The following TBCEL variants were observed in gnomAD, a reference collection of about 807,000 sequenced individuals.
The protein encoded by TBCEL is tubulin-specific chaperone cofactor E-like protein.
Under a neutral mutation model 44.2 loss-of-function variants are expected in TBCEL, and 15 were observed. The ratio of observed to expected loss-of-function variants is 0.34; its 90% CI spans 0.23 to 0.52. TBCEL has a LOEUF of 0.52. TBCEL is among the 20% of genes least tolerant of loss of function. TBCEL has a pLI of 0.95. For synonymous variants in TBCEL, 171 were observed against 185.4 expected (o/e 0.92, Z 0.63); for missense variants, 319 against 506.3 (o/e 0.63, Z 3.55).
intron 8 of TBCEL, among the ~76,000 whole-genome samples, chr11:121,074,412 T>C (rs546226973): frequency 6.6e-6 from 1 of 152,190 alleles, no homozygotes; most frequent in South Asian, 2.1e-4. Flanking sequence ...GTTTTCTTTT[T>C]CATTTAACCA....
chr11:121,025,997 AATTTT>A (rs1223176350), intron 1 of TBCEL, among the ~76,000 whole-genome samples: 3 of 152,178 alleles, frequency 2.0e-5, no homozygotes, highest in Non-Finnish European at 4.4e-5. Flanking sequence ...TAGTTAAAGA[AATTTT>A]ATTTTACTGT....
rs1946258512 is a variant in TBCEL at position 121,089,211 on chromosome 11, G to A, written c.*2115G>A. 1 of 152,114 alleles carries A rather than the reference G, an allele frequency of 6.6e-6. No homozygotes were observed. The highest frequency in any genetic ancestry group is 2.1e-4 in the South Asian group (1 of 4,830). 9.4% of individuals were successfully genotyped at this position (152,114 alleles called of 1,614,324 possible). On this transcript the variant is annotated 3_prime_UTR_variant, in exon 9 of 9. Transcript: ENST00000683345. ...AGCAGAAGGCAGAACAAACACTTAT[G>A]TTATGCTTTAATCATAAGTGGAATG...
intron 4 of TBCEL, 82 bp downstream of exon 4, chr11:121,047,749 A>G: frequency 6.6e-7 from 1 of 1,520,686 alleles, no homozygotes; most frequent in Non-Finnish European, 8.9e-7. Flanking sequence ...ATGTTCTGCT[A>G]AATTCTGTTC....
intron 1 of TBCEL, among the ~76,000 whole-genome samples, chr11:121,024,610 G>A (rs1033669612): frequency 6.6e-6 from 1 of 152,154 alleles, no homozygotes; most frequent in Non-Finnish European, 1.5e-5. Context: ...GTTCCTGGGA[G>A]AATCTAGGCG....
chr11:121,058,294 CTTA>C (rs1565499501), intron 6 of TBCEL, 48 bp from the exon 7 acceptor site: 1 of 1,591,660 alleles, frequency 6.3e-7, no homozygotes, highest in Non-Finnish European at 8.6e-7. Flanking sequence ...TGTTTCTCTT[CTTA>C]TTTATGTGCA....
At chr11:121,068,634 A>T (rs777654694) in intron 8 of TBCEL, among the ~76,000 whole-genome samples, 49 of 151,954 alleles carry the variant, frequency 3.2e-4, no homozygotes, top group Non-Finnish European at 6.8e-4. Context: ...CTGTAATCCC[A>T]CCACTTAGGG....
chr11:121,044,448 G>C (rs1382158524), intron 2 of TBCEL, among the ~76,000 whole-genome samples: 4 of 152,032 alleles, frequency 2.6e-5, no homozygotes, highest in African/African-American at 9.7e-5. Context: ...GGCAACATCA[G>C]ATATTTTGTG....
At chr11:121,068,672 T>C (rs548279397) in intron 8 of TBCEL, among the ~76,000 whole-genome samples, 5 of 151,596 alleles carry the variant, frequency 3.3e-5, no homozygotes, top group Non-Finnish European at 7.4e-5. Flanking sequence ...TCATCTGAGG[T>C]CGGGAGTTCA....
At chr11:121,025,046 T>G (rs982569008) in intron 1 of TBCEL, among the ~76,000 whole-genome samples, 1 of 152,174 alleles carries the variant, frequency 6.6e-6, no homozygotes, top group African/African-American at 2.4e-5. Flanking sequence ...GATTTAATAG[T>G]CTTTTCTTGG....
At chr11:121,049,143 G>A (rs1022829089) in intron 4 of TBCEL, among the ~76,000 whole-genome samples, 1 of 151,776 alleles carries the variant, frequency 6.6e-6, no homozygotes, top group Non-Finnish European at 1.5e-5. Context: ...TTTGTTGAGT[G>A]CGTTAATGAT....
At chr11:121,052,801 A>G (rs926220773) in intron 4 of TBCEL, among the ~76,000 whole-genome samples, 2 of 151,884 alleles carry the variant, frequency 1.3e-5, no homozygotes, top group African/African-American at 4.8e-5. Flanking sequence ...CTCATTTATT[A>G]AAATGAAAGT....
intron 8 of TBCEL, among the ~76,000 whole-genome samples, chr11:121,079,267 A>G (rs1434083606): frequency 2.0e-5 from 3 of 152,224 alleles, no homozygotes; most frequent in African/African-American, 7.2e-5. Context: ...ATAAAAAGAA[A>G]AGAGAGCCCA....
chr11:121,075,363 A>G (rs1405295853), intron 8 of TBCEL, among the ~76,000 whole-genome samples: 1 of 151,924 alleles, frequency 6.6e-6, no homozygotes, highest in African/African-American at 2.4e-5. Flanking sequence ...ATGAACCTCA[A>G]CCTAAATCTG....
At chr11:121,043,917 G>A (rs969098015) in intron 2 of TBCEL, among the ~76,000 whole-genome samples, 4 of 151,960 alleles carry the variant, frequency 2.6e-5, no homozygotes, top group Admixed American at 6.6e-5. Flanking sequence ...TTCCCTGGAT[G>A]TTCCACAGGC....
chr11:121,045,659 C>A lies in TBCEL; in HGVS notation c.-17-15C>A, dbSNP rs1945416870. 1.3e-6 allele frequency: 2 copies of A among 1,538,566 alleles called. No homozygotes were observed. Among genetic ancestry groups the A allele is most frequent in the Admixed American group, 2.2e-5 (1 of 46,468 alleles). ...ACATAATTACATAATTTGATTATTTCTTGGTTTCTTGTAGCATTTTAAGAA... is the reference window on the plus strand; with the variant it reads ...ACATAATTACATAATTTGATTATTTATTGGTTTCTTGTAGCATTTTAAGAA... On this transcript the variant is annotated splice_polypyrimidine_tract_variant and intron_variant, in intron 2 of 8. Coordinates refer to ENST00000683345, the MANE Select transcript of TBCEL (RefSeq NM_001363644.2).
chr11:121,060,625 G>C (rs1455512290), intron 8 of TBCEL, among the ~76,000 whole-genome samples: 1 of 151,788 alleles, frequency 6.6e-6, no homozygotes, highest in African/African-American at 2.4e-5. Context: ...AGTATATGAA[G>C]AGTTAATAAA....
At chr11:121,040,304 G>A (rs1262310024) in intron 2 of TBCEL, among the ~76,000 whole-genome samples, 1 of 152,158 alleles carries the variant, frequency 6.6e-6, no homozygotes, top group Non-Finnish European at 1.5e-5. Context: ...TGAAAGATTT[G>A]GGTAACTTGT....
At chr11:121,086,640 G>A in intron 8 of TBCEL, 138 bp from the exon 9 acceptor site, 1 of 676,402 alleles carries the variant, frequency 1.5e-6, no homozygotes, top group South Asian at 2.0e-5. Context: ...AGATCACAGA[G>A]TCCATAGGAG....
intron 2 of TBCEL, among the ~76,000 whole-genome samples, chr11:121,041,001 CTG>C (rs1257944256): frequency 1.3e-5 from 2 of 152,158 alleles, no homozygotes; most frequent in Non-Finnish European, 2.9e-5. Context: ...TTTTAGCACT[CTG>C]TGGGGTACGT....
Sources: allele counts gnomAD v4.1 joint callset (sites outside exome capture counted in the v4.1 genomes callset), GRCh38; gene constraint gnomAD v4.1.1; transcripts MANE v1.5; gene names NCBI Gene and HGNC (gene_info 2026-07-23, HGNC 2026-07-21).